EXOSC2: variants seen among roughly 807,000 people sequenced by gnomAD.
EXOSC2 encodes exosome component 2.
A neutral mutation model predicts 37.6 loss-of-function variants in EXOSC2; 29 were observed. That is an observed-to-expected ratio of 0.77 (90% confidence interval 0.57 to 1.05). The LOEUF (loss-of-function observed/expected upper bound fraction) is 1.05. EXOSC2 is among the 50% of genes least tolerant of loss of function. The probability of loss-of-function intolerance (pLI) is 0.00; values close to 1 mark genes in which losing one functional copy is unlikely to be tolerated. For missense variants in EXOSC2, 346 were observed against 365.6 expected, an observed-to-expected ratio of 0.95 and a Z score of 0.44; for synonymous variants, 119 against 131.1, an observed-to-expected ratio of 0.91 and a Z score of 0.63.
intron 6 of EXOSC2, chr9:130,701,276 G>T: frequency 4.3e-6 from 1 of 230,556 alleles, no homozygotes. Context: ...AGGCTGTCCT[G>T]GGAACAAAGG....
upstream of EXOSC2, chr9:130,693,763 C>G: frequency 6.3e-7 from 1 of 1,584,846 alleles, no homozygotes; most frequent in Non-Finnish European, 8.6e-7. Context: ...CCCGACTGAG[C>G]TGCGCCTGCG....
chr9:130,693,985 C>G, intron 1 of EXOSC2, 72 bp downstream of exon 1: 1 of 1,504,158 alleles, frequency 6.6e-7, no homozygotes, highest in Non-Finnish European at 9.0e-7. Context: ...GTCCAGGCCT[C>G]GTATCCCTGT....
At chr9:130,701,720 A>G (rs1397599462) in intron 6 of EXOSC2, 6 of 833,800 alleles carry the variant, frequency 7.2e-6, no homozygotes, top group Non-Finnish European at 8.7e-6. Context: ...CTCCTTACCT[A>G]CCCAGAGGCA....
rs200890735 is a variant in EXOSC2, at chr9:130,700,369, ATTTT to A, written c.427-494_427-491del. Among the ~76,000 whole-genome samples the A allele has an allele frequency of 8.9e-3, 1,145 of 128,328 alleles. 18 individuals are homozygous for A. The highest frequency in any genetic ancestry group is 0.033 in the African/African-American group (1,086 of 32,798). The allele number at this position is 128,328 out of a possible 152,430, so 84.2% of individuals were successfully genotyped here. ...TATTTATTTATTTATTTATTTATTT[ATTTT>A]TTTGAGACGGAGTTTCACTCTTGTT... is the stretch of plus-strand genomic sequence containing the variant. On this transcript the variant is annotated intron_variant, in intron 5 of 8. Coordinates refer to ENST00000372358, the MANE Select transcript of EXOSC2 (RefSeq NM_014285.7).
intron 7 of EXOSC2, 95 bp from the exon 8 acceptor site, chr9:130,702,958 C>G: frequency 1.4e-6 from 2 of 1,440,718 alleles, no homozygotes; most frequent in Non-Finnish European, 1.9e-6. Flanking sequence ...GTGATACTGT[C>G]TGAGTCATAA....
In EXOSC2 at chr9:130,703,093, G is replaced by A. The variant is rs768080911; in HGVS notation, c.713G>A (p.Arg238Gln). ...LADREVISRL[R>Q]NCIISLVTQR... ...GATCGAGAGGTGATATCCCGGCTTC[G>A]GAACTGCATCATCTCGCTGGTAACT... The change falls in exon 8 of 9, where the codon CGG becomes CAG. Residue 238 changes from arginine to glutamine, a missense_variant. Coordinates refer to ENST00000372358, the MANE Select transcript of EXOSC2 (RefSeq NM_014285.7). The A allele has an allele frequency of 3.7e-6, 6 of 1,613,760 alleles. No individual in the cohort carries two copies. Among genetic ancestry groups the A allele is most frequent in the East Asian group, 4.5e-5 (2 of 44,874 alleles).
At chr9:130,702,355 A>G in intron 7 of EXOSC2, 45 bp downstream of exon 7, 4 of 1,546,736 alleles carry the variant, frequency 2.6e-6, no homozygotes, top group Non-Finnish European at 1.8e-6. Context: ...GAGGGGGCTC[A>G]GTCTTTGCTG....
intron 5 of EXOSC2, 133 bp downstream of exon 5, chr9:130,699,527 C>A: frequency 2.3e-6 from 2 of 875,422 alleles, no homozygotes; most frequent in South Asian, 1.5e-5. Context: ...AAGTGTCGGG[C>A]TCTGCTGCAT....
At chr9:130,697,454 A>G in intron 2 of EXOSC2, 128 bp from the exon 3 acceptor site, 1 of 823,704 alleles carries the variant, frequency 1.2e-6, no homozygotes, top group Non-Finnish European at 2.1e-6. Flanking sequence ...CAATATAGTT[A>G]CATGAATTTG....
rs1831039835 is a variant in EXOSC2, at chr9:130,694,060, C to T, written c.122+147C>T. 1.1e-6 allele frequency: 1 copy of T among 915,942 alleles called. No individual in the cohort carries two copies. The highest frequency in any genetic ancestry group is 2.4e-5 in the South Asian group (1 of 41,318). The allele number at this position is 915,942 out of a possible 1,614,324, so 56.7% of individuals were successfully genotyped here. Reference sequence around the variant, plus strand: ...GCATCCTACACACCTCGCTTCCGAGCCTCGTGCTTCTTGCTCCCTGCATCT... The same window carrying T: ...GCATCCTACACACCTCGCTTCCGAGTCTCGTGCTTCTTGCTCCCTGCATCT... On this transcript the variant is annotated intron_variant, in intron 1 of 8. Transcript: ENST00000372358. This position sits in a 1 kb window ranked among gnomAD's most constrained non-coding sequence, Gnocchi z 4.0.
rs192732117 is a variant in EXOSC2 at position 130,697,476 on chromosome 9, G to A, written c.225-106G>A. The A allele has an allele frequency of 4.1e-3, 4,416 of 1,075,590 alleles. 12 individuals are homozygous for A. The highest frequency in any genetic ancestry group is 5.6e-3 in the Non-Finnish European group (3,882 of 696,416). 66.6% of individuals were successfully genotyped at this position (1,075,590 alleles called of 1,614,324 possible). A position where few individuals can be genotyped will look rare whatever the true frequency, so the allele number is the denominator to read the frequency against. ...GTTACATGAATTTGCTGAATGTGGCGCCTGTTCCAGGCTTTCACCCTGTTG... is the reference window on the plus strand; with the variant it reads ...GTTACATGAATTTGCTGAATGTGGCACCTGTTCCAGGCTTTCACCCTGTTG... On this transcript the variant is annotated intron_variant, in intron 2 of 8. Transcript: ENST00000372358.
chr9:130,702,875 G>A (rs1160166429), intron 7 of EXOSC2, among the ~76,000 whole-genome samples, 178 bp from the exon 8 acceptor site: 1 of 152,200 alleles, frequency 6.6e-6, no homozygotes, highest in Non-Finnish European at 1.5e-5. Flanking sequence ...TTACAGACAT[G>A]AGACACTGCA....
rs1457969554 is a variant in EXOSC2 at position 130,698,175 on chromosome 9, G to A, written c.284G>A (p.Arg95Lys). 2 of 1,614,048 alleles carry A rather than the reference G, an allele frequency of 1.2e-6. No individual in the cohort carries two copies. The highest frequency in any genetic ancestry group is 1.7e-6 in the Non-Finnish European group (2 of 1,180,014). The change falls in exon 4 of 9, where the codon AGG becomes AAG. Residue 95 changes from arginine (R) to lysine (K), a missense_variant. Arg to Lys is a conservative substitution (Grantham distance 26, BLOSUM62 2). Coordinates refer to ENST00000372358, the MANE Select transcript of EXOSC2 (RefSeq NM_014285.7). The surrounding 1 kb of genome is among the most constrained non-coding windows in gnomAD (Gnocchi z 4.1). The part of the protein sequence containing the change: ...VGRITEVQQK[R>K]WKVETNSRLD... ...CTTGGCTTATAGGTTCAACAGAAGA[G>A]GTGGAAGGTGGAGACCAACTCCAGG...
At chr9:130,700,024 T>A (rs1016020870) in intron 5 of EXOSC2, among the ~76,000 whole-genome samples, 18 of 152,090 alleles carry the variant, frequency 1.2e-4, no homozygotes, top group African/African-American at 3.9e-4. Context: ...TGTTATTTTT[T>A]AAATTTTTCT....
chr9:130,698,887 G>C lies in EXOSC2; in HGVS notation c.361-442G>C, dbSNP rs1005890560. Among the ~76,000 whole-genome samples the C allele has an allele frequency of 1.5e-4, 23 of 152,196 alleles. No individual in the cohort carries two copies. Among genetic ancestry groups the C allele is most frequent in the Non-Finnish European group, 2.5e-4 (17 of 68,034 alleles). On this transcript the variant is annotated intron_variant, in intron 4 of 8. Transcript: ENST00000372358. This position sits in a 1 kb window ranked among gnomAD's most constrained non-coding sequence, Gnocchi z 4.1. ...ACAAAAGGAAATTTCAGTGAGAGAA[G>C]CTTGTAGGAAAGACAGGCATTGGAG...
chr9:130,702,050 T>C (rs1831226979), intron 6 of EXOSC2, 84 bp from the exon 7 acceptor site: 1 of 1,508,682 alleles, frequency 6.6e-7, no homozygotes, highest in Non-Finnish European at 8.9e-7. Flanking sequence ...AATTTGAATA[T>C]ACTTAGGATG....
Position 130,693,845 on chromosome 9 carries a change from G to A in EXOSC2, c.54G>A (p.Leu18=), listed in dbSNP as rs1265131780. The A allele has an allele frequency of 1.1e-5, 17 of 1,612,420 alleles. No homozygotes were observed. Among genetic ancestry groups the A allele is most frequent in the Admixed American group, 1.7e-5 (1 of 59,896 alleles). The change falls in exon 1 of 9, where the codon CTG becomes CTA. Residue 18 remains leucine (L), a synonymous_variant. Transcript: ENST00000372358. The part of the protein sequence containing the change: ...PVARKPLSER[L]GRDTKKHLVV... ...CTCGCAAGCCTCTTAGCGAGAGACT[G>A]GGCCGCGACACTAAGAAACATCTAG...
In EXOSC2 at chr9:130,695,543, C is replaced by T; in HGVS notation, c.174C>T (p.Gly58=). The change falls in exon 2 of 9, where the codon GGC becomes GGT. Residue 58 remains glycine, a synonymous_variant. Transcript: ENST00000372358. ...GEEKLIASVA[G]SVERVNKLIC... Reference sequence around the variant, plus strand: ...AGAAGCTCATTGCATCTGTTGCTGGCTCTGTGGAGAGAGTAAACAAGTTGA... The same window carrying T: ...AGAAGCTCATTGCATCTGTTGCTGGTTCTGTGGAGAGAGTAAACAAGTTGA... 4 of 1,614,170 alleles carry T rather than the reference C, an allele frequency of 2.5e-6. No individual in the cohort carries two copies. Among genetic ancestry groups the T allele is most frequent in the Non-Finnish European group, 3.4e-6 (4 of 1,180,026 alleles).
In EXOSC2 at chr9:130,702,256, C is replaced by T. The variant is rs2132642575; in HGVS notation, c.618C>T (p.Tyr206=). 6.2e-7 allele frequency: 1 copy of T among 1,614,136 alleles called. No homozygotes were observed. The highest frequency in any genetic ancestry group is 8.5e-7 in the Non-Finnish European group (1 of 1,180,016). The change falls in exon 7 of 9, where the codon TAC becomes TAT. Residue 206 remains tyrosine, a synonymous_variant. Coordinates refer to ENST00000372358, the MANE Select transcript of EXOSC2 (RefSeq NM_014285.7). ...GTAACAACGGCTTCATCTGGATTTA[C>T]CCAACACCTGAGCACAAAGAAGAGG... ...ILGNNGFIWI[Y]PTPEHKEEEA...
Sources: allele counts gnomAD v4.1 joint callset (sites outside exome capture counted in the v4.1 genomes callset), GRCh38; gene constraint gnomAD v4.1.1; non-coding constraint Gnocchi (gnomAD v3.1); transcripts MANE v1.5; gene names NCBI Gene and HGNC (gene_info 2026-07-23, HGNC 2026-07-21).